The following CTNNA2 variants were observed in gnomAD, a reference collection of about 807,000 sequenced individuals.
CTNNA2 encodes catenin alpha-2.
In CTNNA2, 42 loss-of-function variants were observed where a neutral mutation model predicts 101.0. The observed-to-expected ratio is 0.42, with a 90% CI of 0.32 to 0.54. The LOEUF is 0.54. Among genes scored for constraint, CTNNA2 ranks in the 20% least tolerant of loss-of-function variants. The probability of loss-of-function intolerance (pLI) is 0.14; values close to 1 mark genes in which losing one functional copy is unlikely to be tolerated. For synonymous variants in CTNNA2, 450 were observed against 456.4 expected, an observed-to-expected ratio of 0.99 and a Z score of 0.18; for missense variants, 871 against 1,223.1, an observed-to-expected ratio of 0.71 and a Z score of 4.29.
Position 80,069,164 on chromosome 2 carries a change from G to C in CTNNA2, c.1056+159367G>C, listed in dbSNP as rs1435129257. Among the ~76,000 whole-genome samples the C allele has an allele frequency of 2.0e-5, 3 of 152,126 alleles. No individual in the cohort carries two copies. The South Asian group carries it at 6.2e-4, about 32-fold the overall frequency. ...ATGTCCCAGCTTGAGAAGAGAGAGA[G>C]AATTCACCCTTTTTCCACCTTTATG... On this transcript the variant is annotated intron_variant, in intron 7 of 18. Transcript: ENST00000402739.
chr2:79,850,793 T>G (rs990227957), intron 3 of CTNNA2, among the ~76,000 whole-genome samples: 29 of 152,192 alleles, frequency 1.9e-4, no homozygotes, highest in Non-Finnish European at 5.9e-5. Context: ...GTAAAAGAGT[T>G]GATACAGGTT....
intron 15 of CTNNA2, among the ~76,000 whole-genome samples, chr2:80,597,914 T>G (rs1697127360): frequency 6.6e-6 from 1 of 152,142 alleles, no homozygotes; most frequent in Admixed American, 6.5e-5. Context: ...AGTGTGGTGA[T>G]TACTCAAAGA....
chr2:80,290,085 G>T (rs1013715418), intron 7 of CTNNA2, among the ~76,000 whole-genome samples: 1 of 152,122 alleles, frequency 6.6e-6, no homozygotes, highest in African/African-American at 2.4e-5. Context: ...GATCTCATTT[G>T]ATCCTTACCA....
chr2:79,984,940 G>C lies in CTNNA2; in HGVS notation c.1056+75143G>C, dbSNP rs1691657540. Among the ~76,000 whole-genome samples, 4 of 152,188 alleles carry C rather than the reference G, an allele frequency of 2.6e-5. No homozygotes were observed. The South Asian group carries it at 8.3e-4, about 32-fold the overall frequency. On this transcript the variant is annotated intron_variant, in intron 7 of 18. Coordinates refer to ENST00000402739, the MANE Select transcript of CTNNA2 (RefSeq NM_001282597.3). ...CAAATTGCCTGTTTTTCTCAATAAA[G>C]TTTTATTGGAACACAGCCATGCCCA...
At chr2:80,463,764 A>C (rs1225434473) in intron 9 of CTNNA2, among the ~76,000 whole-genome samples, 1 of 152,210 alleles carries the variant, frequency 6.6e-6, no homozygotes, top group African/African-American at 2.4e-5. Flanking sequence ...AAGATGGAAG[A>C]AAATAAACAT....
chr2:80,530,483 C>G (rs2149593548), intron 9 of CTNNA2, among the ~76,000 whole-genome samples: 1 of 152,238 alleles, frequency 6.6e-6, no homozygotes, highest in Admixed American at 6.5e-5. Context: ...CAGGAAGAAA[C>G]TAATAGTTGC....
In CTNNA2 at chr2:79,435,034, G is replaced by A. The variant is rs369020397; in HGVS notation, c.-135+61021G>A. On this transcript the variant is annotated intron_variant, in intron 4 of 21. Transcript: ENST00000466387. ...AAACCAAATTCTGTAACTAACCATA[G>A]TGCCTACATTCTACTTGTATTTTCC... Among the ~76,000 whole-genome samples the A allele has an allele frequency of 2.6e-5, 4 of 152,022 alleles. No homozygotes were observed. The East Asian group carries it at 7.8e-4, about 29-fold the overall frequency.
chr2:79,190,269 A>G (rs1180640876), intron 1 of CTNNA2, among the ~76,000 whole-genome samples: 1 of 151,910 alleles, frequency 6.6e-6, no homozygotes. Context: ...CACCCTTTTA[A>G]TTTAGGAGTT....
At chr2:79,766,368 A>T (rs781007959) in intron 3 of CTNNA2, among the ~76,000 whole-genome samples, 60 of 152,168 alleles carry the variant, frequency 3.9e-4, no homozygotes, top group African/African-American at 1.2e-3. Context: ...CCTGGCTTGT[A>T]AGGTTTCCAC....
In CTNNA2 at chr2:79,801,366, G is replaced by A. The variant is rs372848424; in HGVS notation, c.299-56647G>A. On this transcript the variant is annotated intron_variant, in intron 3 of 18. Transcript: ENST00000402739. ...AAACCATCTAGACATTCTAAGTCAA[G>A]CATAGTGGATAGTTAATGTAATAGT... Among the ~76,000 whole-genome samples the A allele has an allele frequency of 1.1e-4, 17 of 152,298 alleles. No individual in the cohort carries two copies. The East Asian group carries it at 1.7e-3, about 16-fold the overall frequency.
At chr2:80,016,108 T>TA in intron 7 of CTNNA2, among the ~76,000 whole-genome samples, 1 of 152,346 alleles carries the variant, frequency 6.6e-6, no homozygotes, top group Non-Finnish European at 1.5e-5. Flanking sequence ...CTTTATTGGT[T>TA]AAAAAAGAAC....
intron 1 of CTNNA2, among the ~76,000 whole-genome samples, chr2:79,646,436 A>G (rs1023967296): frequency 1.2e-4 from 19 of 152,098 alleles, no homozygotes; most frequent in African/African-American, 4.6e-4. Flanking sequence ...TTACCACCAC[A>G]GAAAGAATAT....
Position 79,990,203 on chromosome 2 carries a change from C to T in CTNNA2, c.1056+80406C>T, listed in dbSNP as rs925805509. 1.4e-4 allele frequency among the ~76,000 whole-genome samples: 21 copies of T among 152,188 alleles called. No individual in the cohort carries two copies. In the East Asian group the frequency reaches 1.7e-3, roughly 13 times the overall value. On this transcript the variant is annotated intron_variant, in intron 7 of 18. Transcript: ENST00000402739. The stretch of plus-strand genomic sequence containing the variant: ...GCTCTAGGGAGAACTCAGGAAGCAG[C>T]GCAACCCCAGGGAACAATGACTGCA...
intron 12 of CTNNA2, among the ~76,000 whole-genome samples, chr2:80,572,365 T>C (rs1694675260): frequency 6.6e-6 from 1 of 152,196 alleles, no homozygotes; most frequent in Non-Finnish European, 1.5e-5. Flanking sequence ...ATTAGTCTAT[T>C]TATTTTATAT....
rs143120404 is a variant in CTNNA2 at position 79,249,899 on chromosome 2, G to A, written c.-406+51823G>A. Among the ~76,000 whole-genome samples, 839 of 152,140 alleles carry A rather than the reference G, an allele frequency of 5.5e-3. 8 individuals carry two copies. Among genetic ancestry groups the A allele is most frequent in the African/African-American group, 0.019 (801 of 41,512 alleles). ...TGCCATTACTTTGTTTTTAAAATTG[G>A]TGCTTTTTCCCCATCCTGGGTCTTC... On this transcript the variant is annotated intron_variant, in intron 2 of 21. Transcript: ENST00000466387.
chr2:79,536,792 C>T (rs181622256), intron 1 of CTNNA2, among the ~76,000 whole-genome samples: 3 of 151,738 alleles, frequency 2.0e-5, no homozygotes, highest in Non-Finnish European at 2.9e-5. Context: ...ACCTCTACCC[C>T]CCGGGTTCAA....
At chr2:80,335,292 T>TA (rs1559019022) in intron 7 of CTNNA2, among the ~76,000 whole-genome samples, 1 of 152,156 alleles carries the variant, frequency 6.6e-6, no homozygotes, top group African/African-American at 2.4e-5. Context: ...GCATTTTTAA[T>TA]AAAAAATAGA....
intron 7 of CTNNA2, among the ~76,000 whole-genome samples, chr2:79,939,194 C>A (rs1459925657): frequency 6.6e-6 from 1 of 152,124 alleles, no homozygotes; most frequent in South Asian, 2.1e-4. Context: ...ATATTCAAGG[C>A]ACAGCACCAA....
At chr2:79,455,466 C>T (rs939177409) in intron 4 of CTNNA2, among the ~76,000 whole-genome samples, 4 of 152,106 alleles carry the variant, frequency 2.6e-5, no homozygotes, top group Non-Finnish European at 5.9e-5. Flanking sequence ...CACCCTCTCT[C>T]CACAGACTTC....
Sources: gnomAD v4.1 joint callset for allele counts (sites outside exome capture counted in the v4.1 genomes callset) on GRCh38, gnomAD v4.1.1 for gene constraint, MANE v1.5 for transcripts, NCBI Gene and HGNC (gene_info 2026-07-23, HGNC 2026-07-21) for gene names.